Variants in MAP2 observed in about 807,000 individuals in gnomAD.
MAP2 encodes microtubule associated protein 2.
Under a neutral mutation model 137.6 loss-of-function variants are expected in MAP2, and 14 were observed. That is an observed-to-expected ratio of 0.10 (90% CI 0.07 to 0.16). The LOEUF is 0.16. Among genes scored for constraint, MAP2 ranks in the 10% least tolerant of loss-of-function variants. The pLI is 1.00. For synonymous variants in MAP2, 786 were observed against 782.3 expected, an observed-to-expected ratio of 1.00 and a Z score of -0.08; for missense variants, 2,088 against 2,191.5, an observed-to-expected ratio of 0.95 and a Z score of 0.94.
chr2:209,528,654 T>G (rs1296854524), intron 2 of MAP2, among the ~76,000 whole-genome samples: 5 of 151,892 alleles, frequency 3.3e-5, no homozygotes. Context: ...TTGGGTTCTT[T>G]CTCAAAAGAG....
chr2:209,678,704 A>C lies in MAP2; in HGVS notation c.376+19A>C. ...CCTTTAGGTAAATAAGAAGATTCTC[A>C]GGTCAGGGACTGTGTCTGTTGCACC... On this transcript the variant is annotated intron_variant, in intron 6 of 15. Transcript: ENST00000682079. The C allele has an allele frequency of 2.7e-6, 4 of 1,481,696 alleles. No individual in the cohort carries two copies. Among genetic ancestry groups the C allele is most frequent in the Non-Finnish European group, 3.7e-6 (4 of 1,072,952 alleles). The allele number at this position is 1,481,696 out of a possible 1,614,324, so 91.8% of individuals were successfully genotyped here.
chr2:209,714,678 A>T (rs1316534230), intron 13 of MAP2, among the ~76,000 whole-genome samples: 1 of 152,230 alleles, frequency 6.6e-6, no homozygotes, highest in Non-Finnish European at 1.5e-5. Context: ...ATATGGATCT[A>T]TTAAACTAAA....
rs3036663 is a variant in MAP2 at position 209,583,147 on chromosome 2, GTCTATCTATCTATCTATCTA to G, written c.-107+3067_-107+3086del. Among the ~76,000 whole-genome samples the G allele has an allele frequency of 2.0e-5, 3 of 147,152 alleles. 1 individual carries two copies. In the South Asian group the frequency reaches 6.6e-4, roughly 32 times the overall value. Reference sequence around the variant, plus strand: ...TATCTATCTATCCATCTGTCTGTCTGTCTATCTATCTATCTATCTATCTATCTATCTATCTATCTGTCTAT... The same window carrying G: ...TATCTATCTATCCATCTGTCTGTCTGTCTATCTATCTATCTATCTGTCTAT... On this transcript the variant is annotated intron_variant, in intron 3 of 15. Coordinates refer to ENST00000682079, the MANE Select transcript of MAP2 (RefSeq NM_001375505.1).
At chr2:209,454,567 C>T (rs1199311539) in intron 1 of MAP2, among the ~76,000 whole-genome samples, 1 of 152,066 alleles carries the variant, frequency 6.6e-6, no homozygotes, top group Non-Finnish European at 1.5e-5. Flanking sequence ...GAACTCCTGA[C>T]CTCAAGTGAT....
chr2:209,465,995 A>G (rs1349924204), intron 1 of MAP2, among the ~76,000 whole-genome samples: 2 of 152,144 alleles, frequency 1.3e-5, no homozygotes, highest in African/African-American at 4.8e-5. Context: ...GTCCTGGGCC[A>G]TGAAGAATAT....
chr2:209,436,720 C>G (rs1018499893), intron 1 of MAP2, among the ~76,000 whole-genome samples: 1 of 151,710 alleles, frequency 6.6e-6, no homozygotes, highest in Non-Finnish European at 1.5e-5. Flanking sequence ...TCCTAAGCCA[C>G]TAGCTTGGTT....
chr2:209,555,952 TTAGTTC>T (rs2070462785), intron 2 of MAP2, among the ~76,000 whole-genome samples: 1 of 152,082 alleles, frequency 6.6e-6, no homozygotes, highest in South Asian at 2.1e-4. Flanking sequence ...TTTAATGGTA[TTAGTTC>T]TGGAAAAGCT....
intron 4 of MAP2, among the ~76,000 whole-genome samples, chr2:209,626,483 G>A (rs1431560441): frequency 6.6e-6 from 1 of 152,098 alleles, no homozygotes; most frequent in African/African-American, 2.4e-5. Context: ...CTAACATGCA[G>A]CTATATTAAA....
chr2:209,574,713 C>A (rs1473385471), intron 2 of MAP2, among the ~76,000 whole-genome samples: 1 of 152,154 alleles, frequency 6.6e-6, no homozygotes, highest in Non-Finnish European at 1.5e-5. Context: ...CTGATTATGA[C>A]ACTTTTTGTC....
intron 3 of MAP2, among the ~76,000 whole-genome samples, chr2:209,620,077 A>G (rs941838022): frequency 6.6e-6 from 1 of 152,208 alleles, no homozygotes; most frequent in African/African-American, 2.4e-5. Flanking sequence ...AGTGGCCTGG[A>G]GAGTCTTCCT....
chr2:209,449,469 C>T (rs999081184), intron 1 of MAP2, among the ~76,000 whole-genome samples: 1 of 151,978 alleles, frequency 6.6e-6, no homozygotes, highest in Non-Finnish European at 1.5e-5. Flanking sequence ...TCATGACATA[C>T]CTATTGCTAA....
intron 3 of MAP2, among the ~76,000 whole-genome samples, chr2:209,593,632 AAAATATATAT>A (rs1173692548): frequency 4.9e-5 from 3 of 61,118 alleles, no homozygotes; most frequent in East Asian, 8.8e-4. Context: ...AAAAAAAAAA[AAAATATATAT>A]ATATATATAT....
intron 5 of MAP2, among the ~76,000 whole-genome samples, chr2:209,673,563 C>A (rs544217104): frequency 6.6e-6 from 1 of 151,816 alleles, no homozygotes; most frequent in South Asian, 2.1e-4. Flanking sequence ...TAAAAAATGT[C>A]CAGTGCCAGA....
intron 13 of MAP2, among the ~76,000 whole-genome samples, chr2:209,719,202 G>A (rs1008745741): frequency 6.6e-6 from 1 of 152,182 alleles, no homozygotes; most frequent in Middle Eastern, 3.4e-3. Flanking sequence ...CATTCTTTCT[G>A]ATACAACTCA....
chr2:209,595,409 T>C (rs1027113509), intron 3 of MAP2, among the ~76,000 whole-genome samples: 1 of 152,212 alleles, frequency 6.6e-6, no homozygotes, highest in Non-Finnish European at 1.5e-5. Context: ...TAAAAGGAGA[T>C]ACTATCTCAC....
chr2:209,553,810 A>G (rs186100079), intron 2 of MAP2, among the ~76,000 whole-genome samples: 38 of 152,322 alleles, frequency 2.5e-4, no homozygotes, highest in Admixed American at 2.3e-3. Flanking sequence ...GCATCTCTTA[A>G]TTTCTTGATA....
chr2:209,432,593 A>T (rs1185668422), intron 1 of MAP2, among the ~76,000 whole-genome samples: 3 of 152,218 alleles, frequency 2.0e-5, no homozygotes, highest in African/African-American at 7.2e-5. Context: ...GAGTGAAATA[A>T]TTCTAATGCC....
intron 4 of MAP2, among the ~76,000 whole-genome samples, chr2:209,630,646 T>C (rs925831764): frequency 6.6e-6 from 1 of 152,034 alleles, no homozygotes; most frequent in African/African-American, 2.4e-5. Context: ...TTCCCCTTTA[T>C]TGAATTTTAT....
chr2:209,472,445 G>T (rs1296012574), intron 1 of MAP2, among the ~76,000 whole-genome samples: 5 of 152,140 alleles, frequency 3.3e-5, no homozygotes, highest in Non-Finnish European at 7.4e-5. Flanking sequence ...GTTCTGAAGG[G>T]TATAGCCAGC....
Sources: gnomAD v4.1 joint callset for allele counts (sites outside exome capture counted in the v4.1 genomes callset) on GRCh38, gnomAD v4.1.1 for gene constraint, MANE v1.5 for transcripts, NCBI Gene and HGNC (gene_info 2026-07-23, HGNC 2026-07-21) for gene names.